The following ATP6V0A4 variants were observed in gnomAD, a reference collection of about 807,000 sequenced individuals.
ATP6V0A4 encodes the protein ATPase H+ transporting V0 subunit a4.
In ATP6V0A4, 86 loss-of-function variants were observed where a neutral mutation model predicts 107.3. The observed-to-expected ratio is 0.80, with a 90% CI of 0.67 to 0.96. The LOEUF (loss-of-function observed/expected upper bound fraction) is 0.96, where lower values mean the gene tolerates loss of function less well. Among genes scored for constraint, ATP6V0A4 ranks in the 40% least tolerant of loss-of-function variants. The pLI is 0.00. For synonymous variants in ATP6V0A4, 353 were observed against 381.4 expected (o/e 0.93, Z 0.87); for missense variants, 908 against 1,045.6 (o/e 0.87, Z 1.81).
intron 14 of ATP6V0A4, among the ~76,000 whole-genome samples, chr7:138,742,900 C>CAAAAAAAAAA (rs563017805): frequency 7.6e-6 from 1 of 131,684 alleles, no homozygotes; most frequent in African/African-American, 2.8e-5. Flanking sequence ...AATTGCAAAG[C>CAAAAAAAAAA]AAAAAAAAAA....
chr7:138,755,056 C>A (rs1369673314), intron 10 of ATP6V0A4, among the ~76,000 whole-genome samples: 4 of 152,210 alleles, frequency 2.6e-5, no homozygotes, highest in Non-Finnish European at 5.9e-5. Context: ...GACACATGAA[C>A]CTTCTATCAT....
intron 14 of ATP6V0A4, among the ~76,000 whole-genome samples, chr7:138,740,211 T>C (rs754941634): frequency 3.3e-5 from 5 of 151,662 alleles, no homozygotes; most frequent in Non-Finnish European, 7.4e-5. Context: ...GCAGGGATGC[T>C]GGGAGCACAC....
chr7:138,733,572 C>CTTTTTTTT (rs3080537), intron 16 of ATP6V0A4, among the ~76,000 whole-genome samples: 2 of 87,064 alleles, frequency 2.3e-5, no homozygotes, highest in African/African-American at 8.7e-5. Flanking sequence ...AATGGTTTCT[C>CTTTTTTTT]TTTTTTTTTT....
intron 2 of ATP6V0A4, among the ~76,000 whole-genome samples, chr7:138,784,517 A>T (rs1355608978): frequency 6.6e-6 from 1 of 151,382 alleles, no homozygotes; most frequent in African/African-American, 2.4e-5. Context: ...ATGGTGTTTC[A>T]CCGTGTTAGC....
rs1394064445 is a variant in ATP6V0A4, at chr7:138,706,370, CTCATTTG to C, written c.*247_*253del. On this transcript the variant is annotated 3_prime_UTR_variant, in exon 22 of 22. Transcript: ENST00000310018. ...GAAGACATCTGTTTAGCATTCTCCCCTCATTTGTCAATTACTTTATTATTTGAGAATT... is the reference window on the plus strand; with the variant it reads ...GAAGACATCTGTTTAGCATTCTCCCCTCAATTACTTTATTATTTGAGAATT... 1 of 501,978 alleles carries C rather than the reference CTCATTTG, an allele frequency of 2.0e-6. No individual in the cohort carries two copies. Among genetic ancestry groups the C allele is most frequent in the Non-Finnish European group, 3.6e-6 (1 of 275,248 alleles). The allele number at this position is 501,978 out of a possible 1,614,324, so 31.1% of individuals were successfully genotyped here.
chr7:138,719,359 T>C (rs751542262), intron 19 of ATP6V0A4, among the ~76,000 whole-genome samples: 6 of 152,066 alleles, frequency 3.9e-5, no homozygotes, highest in Non-Finnish European at 8.8e-5. Context: ...GTGGCTTAAG[T>C]TGGGCACCTT....
At chr7:138,786,590 AAAAG>A (rs1163917986) in intron 1 of ATP6V0A4, among the ~76,000 whole-genome samples, 103 of 151,954 alleles carry the variant, frequency 6.8e-4, no homozygotes, top group Admixed American at 1.9e-3. Context: ...GGAAAAAAAA[AAAAG>A]AGAGACAACA....
At chr7:138,791,764 A>C (rs1432157713) in intron 1 of ATP6V0A4, among the ~76,000 whole-genome samples, 1 of 152,216 alleles carries the variant, frequency 6.6e-6, no homozygotes, top group Non-Finnish European at 1.5e-5. Context: ...AAACATATCC[A>C]GACAAACAAA....
At chr7:138,727,785 G>A (rs529562431) in intron 18 of ATP6V0A4, among the ~76,000 whole-genome samples, 3 of 152,282 alleles carry the variant, frequency 2.0e-5, no homozygotes, top group South Asian at 2.1e-4. Context: ...ATCTCAAACC[G>A]TCTGTGTGTC....
intron 10 of ATP6V0A4, among the ~76,000 whole-genome samples, chr7:138,753,718 C>T (rs972834675): frequency 6.6e-6 from 1 of 152,142 alleles, no homozygotes; most frequent in African/African-American, 2.4e-5. Flanking sequence ...CTAAGATTAA[C>T]GAGAGCCATG....
rs1378964181 is a variant in ATP6V0A4 at position 138,732,659 on chromosome 7, T to TAGTG, written c.1908+217_1908+218insCACT. ...AAATACAAAAATTAGCCAGGCGTGG[T>TAGTG]GGCGTGCACCTGTAGTCCCAGCCAC... is the stretch of plus-strand genomic sequence containing the variant. On this transcript the variant is annotated intron_variant, in intron 17 of 21. Coordinates refer to ENST00000310018, the MANE Select transcript of ATP6V0A4 (RefSeq NM_020632.3). 9.0e-4 allele frequency among the ~76,000 whole-genome samples: 137 copies of TAGTG among 152,112 alleles called. 1 individual carries two copies. The highest frequency in any genetic ancestry group is 3.3e-3 in the African/African-American group (136 of 41,516).
chr7:138,726,056 T>A (rs557714006), intron 18 of ATP6V0A4, among the ~76,000 whole-genome samples: 1 of 152,006 alleles, frequency 6.6e-6, no homozygotes, highest in Non-Finnish European at 1.5e-5. Flanking sequence ...GTGGTGCAAT[T>A]TCGGCTCACT....
At chr7:138,709,820 G>A in intron 20 of ATP6V0A4, 25 bp from the exon 21 acceptor site, 1 of 1,611,906 alleles carries the variant, frequency 6.2e-7, no homozygotes, top group Non-Finnish European at 8.5e-7. Context: ...AAACCACTGG[G>A]ATTATCTTGT....
intron 10 of ATP6V0A4, among the ~76,000 whole-genome samples, 159 bp downstream of exon 10, chr7:138,755,530 C>G (rs1806466063): frequency 6.6e-6 from 1 of 152,178 alleles, no homozygotes; most frequent in Non-Finnish European, 1.5e-5. Flanking sequence ...CGAACAGTTT[C>G]CCAATTGTGA....
intron 10 of ATP6V0A4, 147 bp downstream of exon 10, chr7:138,755,542 A>G: frequency 8.9e-7 from 1 of 1,119,808 alleles, no homozygotes; most frequent in Non-Finnish European, 1.3e-6. Context: ...CAATTGTGAA[A>G]TCTTCCACAG....
intron 8 of ATP6V0A4, among the ~76,000 whole-genome samples, chr7:138,757,361 C>T (rs1014384663): frequency 1.8e-4 from 27 of 152,108 alleles, no homozygotes; most frequent in African/African-American, 6.5e-4. Context: ...ACAAAAAATA[C>T]AAGAATTAGC....
At chr7:138,754,692 G>A (rs372477343) in intron 10 of ATP6V0A4, among the ~76,000 whole-genome samples, 5 of 151,830 alleles carry the variant, frequency 3.3e-5, no homozygotes, top group Non-Finnish European at 5.9e-5. Flanking sequence ...GCGCGATCTC[G>A]GCTCCCTGAA....
chr7:138,780,345 C>T (rs1807861488), intron 2 of ATP6V0A4, among the ~76,000 whole-genome samples: 1 of 152,138 alleles, frequency 6.6e-6, no homozygotes, highest in South Asian at 2.1e-4. Flanking sequence ...GGTTCATGCT[C>T]CTCTGAGGAT....
chr7:138,734,986 C>T (rs1805239766), intron 15 of ATP6V0A4, among the ~76,000 whole-genome samples: 1 of 152,134 alleles, frequency 6.6e-6, no homozygotes, highest in African/African-American at 2.4e-5. Context: ...GAAGCCGTTC[C>T]TGTAGCCAAT....
Sources: gnomAD v4.1 joint callset for allele counts (sites outside exome capture counted in the v4.1 genomes callset) on GRCh38, gnomAD v4.1.1 for gene constraint, MANE v1.5 for transcripts, NCBI Gene and HGNC (gene_info 2026-07-23, HGNC 2026-07-21) for gene names.